The following TYW1 variants were observed in gnomAD, a reference collection of about 807,000 sequenced individuals.
The protein encoded by TYW1 is tRNA-yW synthesizing protein 1 homolog.
Under a neutral mutation model 96.2 loss-of-function variants are expected in TYW1, and 46 were observed. That is an observed-to-expected ratio of 0.48 (90% CI 0.38 to 0.61). TYW1 has a LOEUF of 0.61. Among genes scored for constraint, TYW1 ranks in the 20% least tolerant of loss-of-function variants. The probability of loss-of-function intolerance (pLI) is 0.00; values close to 1 mark genes in which losing one functional copy is unlikely to be tolerated. For missense variants in TYW1, 684 were observed against 909.6 expected (o/e 0.75, Z 3.19); for synonymous variants, 274 against 323.0 (o/e 0.85, Z 1.63).
chr7:67,169,467 C>G (rs1358371532), intron 13 of TYW1, among the ~76,000 whole-genome samples: 1 of 151,990 alleles, frequency 6.6e-6, no homozygotes, highest in Non-Finnish European at 1.5e-5. Context: ...GTGGCGTGAT[C>G]TTGGCTCACT....
chr7:67,222,767 C>T (rs1230554934), intron 15 of TYW1, among the ~76,000 whole-genome samples: 3 of 151,656 alleles, frequency 2.0e-5, no homozygotes, highest in Non-Finnish European at 2.9e-5. Flanking sequence ...CAAGCATTCT[C>T]TCTGTCGTCT....
At chr7:67,114,778 G>A (rs960293055) in intron 12 of TYW1, among the ~76,000 whole-genome samples, 8 of 152,154 alleles carry the variant, frequency 5.3e-5, no homozygotes, top group African/African-American at 1.9e-4. Flanking sequence ...CCAGTGTGAG[G>A]CAGAAATAAG....
intron 13 of TYW1, among the ~76,000 whole-genome samples, chr7:67,156,398 G>A (rs540951501): frequency 1.3e-5 from 2 of 152,354 alleles, no homozygotes; most frequent in East Asian, 3.9e-4. Context: ...ACATCTTCAT[G>A]CCCAGAGAAA....
chr7:67,182,712 A>C (rs1799878770), intron 13 of TYW1, among the ~76,000 whole-genome samples: 3 of 151,884 alleles, frequency 2.0e-5, no homozygotes, highest in Non-Finnish European at 2.9e-5. Context: ...AGAAGACAGG[A>C]CTTACTAACA....
Position 67,140,045 on chromosome 7 carries a change from C to G in TYW1, c.1698+22427C>G, listed in dbSNP as rs189141210. On this transcript the variant is annotated intron_variant, in intron 13 of 15. Transcript: ENST00000359626. ...AATCATGATGGAAGGCAAGGAGGAG[C>G]AAGTCACATCTTACATGGATGGTGG... 2.6e-3 allele frequency among the ~76,000 whole-genome samples: 393 copies of G among 151,486 alleles called. 3 individuals are homozygous for G. The highest frequency in any genetic ancestry group is 0.024 in the Admixed American group (372 of 15,200).
chr7:67,188,346 C>T (rs1800095548), intron 14 of TYW1, among the ~76,000 whole-genome samples: 1 of 151,916 alleles, frequency 6.6e-6, no homozygotes, highest in South Asian at 2.1e-4. Flanking sequence ...ATAACAACAA[C>T]AATAATAATA....
At chr7:67,197,760 C>G (rs1258771165) in intron 15 of TYW1, among the ~76,000 whole-genome samples, 1 of 151,916 alleles carries the variant, frequency 6.6e-6, no homozygotes, top group Non-Finnish European at 1.5e-5. Context: ...TCCCTTCTTT[C>G]CTTCCTTCTT....
chr7:67,020,896 C>G (rs1005121078), intron 6 of TYW1, among the ~76,000 whole-genome samples: 18 of 152,254 alleles, frequency 1.2e-4, no homozygotes, highest in African/African-American at 4.3e-4. Context: ...GGTATGCTGG[C>G]AGGCACCTGT....
In TYW1 at chr7:67,098,728, C is replaced by A. The variant is rs753994959; in HGVS notation, c.1562+10C>A. On this transcript the variant is annotated intron_variant, in intron 12 of 15. Coordinates refer to ENST00000359626, the MANE Select transcript of TYW1 (RefSeq NM_018264.4). ...TTCCTGCGGAAATCAGGTGAGTTCT[C>A]CAGCCTATGGAGAGATGCTGCTTGA... The A allele has an allele frequency of 6.2e-7, 1 of 1,610,384 alleles. No individual in the cohort carries two copies. The highest frequency in any genetic ancestry group is 1.1e-5 in the South Asian group (1 of 90,450).
intron 3 of TYW1, among the ~76,000 whole-genome samples, chr7:67,001,613 G>A (rs1279967121): frequency 7.9e-5 from 12 of 151,394 alleles, no homozygotes; most frequent in Admixed American, 7.9e-4. Context: ...GTAGAGATGG[G>A]GTTTCACCAC....
At chr7:67,015,571 C>T (rs1265594262) in intron 5 of TYW1, among the ~76,000 whole-genome samples, 1 of 152,012 alleles carries the variant, frequency 6.6e-6, no homozygotes, top group Non-Finnish European at 1.5e-5. Flanking sequence ...AGGCTTGGTT[C>T]AAACTCCTGG....
intron 7 of TYW1, among the ~76,000 whole-genome samples, chr7:67,031,798 A>G (rs1245839972): frequency 6.9e-6 from 1 of 144,780 alleles, no homozygotes; most frequent in African/African-American, 2.5e-5. Context: ...TACAGAGGGA[A>G]CAATGTGCCT....
At chr7:67,188,507 A>G (rs1033524075) in intron 14 of TYW1, among the ~76,000 whole-genome samples, 2 of 152,028 alleles carry the variant, frequency 1.3e-5, no homozygotes, top group African/African-American at 4.8e-5. Flanking sequence ...TAAGGGAGAC[A>G]CTCTTGGAGC....
intron 5 of TYW1, among the ~76,000 whole-genome samples, chr7:67,016,978 A>T (rs1052235267): frequency 4.5e-5 from 6 of 134,026 alleles, no homozygotes; most frequent in African/African-American, 1.4e-4. Context: ...TCAGATATGT[A>T]AATTTTTTTT....
At chr7:67,135,729 A>T (rs911851057) in intron 13 of TYW1, among the ~76,000 whole-genome samples, 7 of 152,056 alleles carry the variant, frequency 4.6e-5, no homozygotes, top group Non-Finnish European at 1.0e-4. Flanking sequence ...CTGGCCAGCA[A>T]ATCCACCCTG....
At chr7:67,072,182 A>G (rs1278481382) in intron 10 of TYW1, among the ~76,000 whole-genome samples, 5 of 148,580 alleles carry the variant, frequency 3.4e-5, no homozygotes, top group African/African-American at 7.5e-5. Flanking sequence ...TACCTCAACT[A>G]TAATTTTTTT....
intron 15 of TYW1, among the ~76,000 whole-genome samples, chr7:67,210,053 C>T (rs1800947586): frequency 6.6e-6 from 1 of 152,064 alleles, no homozygotes; most frequent in Non-Finnish European, 1.5e-5. Flanking sequence ...AACTGAAGTC[C>T]ACAGTTTATT....
intron 3 of TYW1, among the ~76,000 whole-genome samples, chr7:67,004,880 C>T (rs1374518815): frequency 1.3e-5 from 2 of 152,080 alleles, no homozygotes; most frequent in East Asian, 1.9e-4. Flanking sequence ...CTCAGCCTCC[C>T]GAGTAGCTGG....
intron 14 of TYW1, among the ~76,000 whole-genome samples, chr7:67,191,345 G>T (rs1283743401): frequency 3.9e-5 from 6 of 152,210 alleles, no homozygotes; most frequent in African/African-American, 1.4e-4. Flanking sequence ...TGTGGGTTAT[G>T]CTTTTCACTG....
Sources: gnomAD v4.1 joint callset for allele counts (sites outside exome capture counted in the v4.1 genomes callset) on GRCh38, gnomAD v4.1.1 for gene constraint, MANE v1.5 for transcripts, NCBI Gene and HGNC (gene_info 2026-07-23, HGNC 2026-07-21) for gene names.